CLN3: variants seen among roughly 807,000 people sequenced by gnomAD.
The protein encoded by CLN3 is battenin.
CLN3 carries 49 observed loss-of-function variants against 60.7 expected under a neutral mutation model. The observed-to-expected ratio is 0.81, with a 90% CI of 0.64 to 1.02. The LOEUF is 1.02. CLN3 is among the 50% of genes least tolerant of loss of function. The pLI is 0.00. For synonymous variants in CLN3, 256 were observed against 245.8 expected, an observed-to-expected ratio of 1.04 and a Z score of -0.39; for missense variants, 516 against 557.4, an observed-to-expected ratio of 0.93 and a Z score of 0.75.
At chr16:28,489,234 C>T in intron 4 of CLN3, 56 bp downstream of exon 4, 2 of 1,375,202 alleles carry the variant, frequency 1.5e-6, no homozygotes, top group Non-Finnish European at 2.0e-6. Flanking sequence ...CCTTGTCCCA[C>T]CCCCTCATCT....
downstream of CLN3, among the ~76,000 whole-genome samples, chr16:28,474,932 G>A (rs1596617252): frequency 2.0e-5 from 3 of 152,122 alleles, no homozygotes; most frequent in Non-Finnish European, 2.9e-5. Flanking sequence ...GCAAGACCTC[G>A]TCTCTACAGA....
At position 28,486,386 on chromosome 16, in the gene CLN3, A is replaced by G. The variant is rs554746072; in HGVS notation, c.638T>C (p.Leu213Pro). The G allele has an allele frequency of 6.2e-7, 1 of 1,613,164 alleles. No homozygotes were observed. The highest frequency in any genetic ancestry group is 2.2e-5 in the East Asian group (1 of 44,882). ...GGCAGGGATACCCAGCATGGACAGCAGGGTCTGCTGAGGGGAGAGGCCGGC... is the reference window on the plus strand; with the variant it reads ...GGCAGGGATACCCAGCATGGACAGCGGGGTCTGCTGAGGGGAGAGGCCGGC... ...TQAGLSPQQTLLSMLGIPALL... is the reference protein window; with the variant it reads ...TQAGLSPQQTPLSMLGIPALL... Residue 213 changes from leucine (L) to proline (P), a missense_variant, in exon 9 of 16, where the codon CTG becomes CCG. Transcript: ENST00000636147.
intron 4 of CLN3, among the ~76,000 whole-genome samples, chr16:28,488,993 C>T (rs912308313): frequency 6.6e-6 from 1 of 152,198 alleles, no homozygotes; most frequent in Non-Finnish European, 1.5e-5. Context: ...CTTCCACCTC[C>T]TGGCTTCAAG....
chr16:28,481,432 A>G (rs1246421547), intron 14 of CLN3, among the ~76,000 whole-genome samples: 1 of 133,014 alleles, frequency 7.5e-6, no homozygotes, highest in Non-Finnish European at 1.7e-5. Flanking sequence ...ACACACACAC[A>G]CACACACACA....
chr16:28,479,378 G>C (rs1469988407), intron 14 of CLN3: 1 of 152,230 alleles, frequency 6.6e-6, no homozygotes, highest in Non-Finnish European at 1.5e-5. Flanking sequence ...CTGAGGTCAG[G>C]AGTTCAAGAC....
intron 3 of CLN3, chr16:28,491,163 G>C (rs1596567239): frequency 2.7e-6 from 1 of 366,548 alleles, no homozygotes; most frequent in East Asian, 4.7e-5. Flanking sequence ...CTAGGAAAAC[G>C]CTGGTTTTCC....
At chr16:28,473,598 T>G (rs1465759427), downstream of CLN3, among the ~76,000 whole-genome samples, 5 of 152,142 alleles carry the variant, frequency 3.3e-5, no homozygotes, top group African/African-American at 9.7e-5. Context: ...TTCATCAAAA[T>G]AAGTGTCTTT....
chr16:28,472,163 A>C (rs2045955702), downstream of CLN3, among the ~76,000 whole-genome samples: 1 of 152,248 alleles, frequency 6.6e-6, no homozygotes, highest in African/African-American at 2.4e-5. Flanking sequence ...CTGTAATCCC[A>C]GTATCTCTGG....
At chr16:28,472,621 A>C (rs1018778449), downstream of CLN3, among the ~76,000 whole-genome samples, 1 of 150,800 alleles carries the variant, frequency 6.6e-6, no homozygotes, top group Non-Finnish European at 1.5e-5. Flanking sequence ...TGGGCGGATC[A>C]CTTGAGGTCA....
In CLN3 at chr16:28,480,538, T is replaced by C. The variant is rs577422032; in HGVS notation, c.1056+1567A>G. Reference sequence around the variant, plus strand: ...GCCTCAGCCTAGCGAGTAGCTGAGATGACAGGCAGGTGCCACCACGCCCAA... The same window carrying C: ...GCCTCAGCCTAGCGAGTAGCTGAGACGACAGGCAGGTGCCACCACGCCCAA... On this transcript the variant is annotated intron_variant, in intron 14 of 15. Coordinates refer to ENST00000636147, the MANE Select transcript of CLN3 (RefSeq NM_001042432.2). Among the ~76,000 whole-genome samples, 31 of 152,208 alleles carry C rather than the reference T, an allele frequency of 2.0e-4. 1 individual carries two copies. In the South Asian group the frequency reaches 6.2e-3, roughly 31 times the overall value.
Position 28,486,457 on chromosome 16 carries a change from C to T in CLN3, c.567G>A (p.Gly189=). 6.2e-7 allele frequency: 1 copy of T among 1,613,316 alleles called. No individual in the cohort carries two copies. Among genetic ancestry groups the T allele is most frequent in the Non-Finnish European group, 8.5e-7 (1 of 1,179,830 alleles). The change falls in exon 9 of 16, where the codon GGG becomes GGA. Residue 189 remains glycine (G), a synonymous_variant. Transcript: ENST00000636147. ...AVISWWSSGT[G]GAGLLGALSY... Reference sequence around the variant, plus strand: ...ACAGGGCCCCCAGCAGCCCAGCTCCCCCAGTCCCTGAGGACCACCAGGAGA... The same window carrying T: ...ACAGGGCCCCCAGCAGCCCAGCTCCTCCAGTCCCTGAGGACCACCAGGAGA...
At chr16:28,487,605 C>T in intron 6 of CLN3, 57 bp downstream of exon 6, 3 of 1,597,406 alleles carry the variant, frequency 1.9e-6, no homozygotes, top group Non-Finnish European at 1.7e-6. Context: ...CTCAGCCATC[C>T]CAGCCTCCCC....
downstream of CLN3, chr16:28,470,529 C>T (rs1378599687): frequency 2.9e-6 from 2 of 680,532 alleles, no homozygotes; most frequent in Admixed American, 2.8e-5. Flanking sequence ...GGGACCGGGG[C>T]CGGATCTGAG....
chr16:28,481,346 C>G (rs925669332), intron 14 of CLN3, among the ~76,000 whole-genome samples: 5 of 151,700 alleles, frequency 3.3e-5, no homozygotes, highest in South Asian at 2.1e-4. Flanking sequence ...AATGATCCAC[C>G]TGCCTCAGCC....
chr16:28,489,827 C>T (rs560684272), intron 3 of CLN3, among the ~76,000 whole-genome samples: 2 of 152,130 alleles, frequency 1.3e-5, no homozygotes, highest in South Asian at 2.1e-4. Context: ...GGGGCCGAGG[C>T]GGGCGGATCG....
intron 14 of CLN3, among the ~76,000 whole-genome samples, chr16:28,481,417 A>AACACACACAC (rs767753225): frequency 2.3e-4 from 30 of 129,560 alleles, no homozygotes; most frequent in Admixed American, 3.1e-4. Flanking sequence ...CAATGCTTAA[A>AACACACACAC]ACACACACAC....
intron 9 of CLN3, among the ~76,000 whole-genome samples, chr16:28,485,571 C>CAAAAAAA (rs67148714): frequency 1.7e-4 from 2 of 11,770 alleles, no homozygotes; most frequent in Non-Finnish European, 2.6e-4. Flanking sequence ...GACTCCGTCT[C>CAAAAAAA]AAAAAAAAAA....
Position 28,492,049 on chromosome 16 carries a change from T to G in CLN3, c.-106A>C, listed in dbSNP as rs910324159. On this transcript the variant is annotated 5_prime_UTR_variant, in exon 1 of 16. Transcript: ENST00000636147. ...AAGAGCAGCAGAATGTTCTGCACTATGCAGAGGCCGTTTGTCGGATCACGT... is the reference window on the plus strand; with the variant it reads ...AAGAGCAGCAGAATGTTCTGCACTAGGCAGAGGCCGTTTGTCGGATCACGT... 7 of 527,302 alleles carry G rather than the reference T, an allele frequency of 1.3e-5. No homozygotes were observed. The highest frequency in any genetic ancestry group is 2.4e-5 in the Non-Finnish European group (7 of 292,232). 32.7% of individuals were successfully genotyped at this position (527,302 alleles called of 1,614,324 possible). A position where few individuals can be genotyped will look rare whatever the true frequency, so the allele number is the denominator to read the frequency against.
chr16:28,485,988 TTTTC>T (rs2046207955), intron 9 of CLN3, among the ~76,000 whole-genome samples: 3 of 151,156 alleles, frequency 2.0e-5, no homozygotes, highest in Admixed American at 1.3e-4. Flanking sequence ...TCAAGTTTTC[TTTTC>T]TTTCTTTTTT....
Sources: allele counts gnomAD v4.1 joint callset (sites outside exome capture counted in the v4.1 genomes callset), GRCh38; gene constraint gnomAD v4.1.1; transcripts MANE v1.5; gene names NCBI Gene and HGNC (gene_info 2026-07-23, HGNC 2026-07-21).